The following ITGBL1 variants were observed in gnomAD, a reference collection of about 807,000 sequenced individuals.
ITGBL1 encodes the protein integrin beta-like protein 1.
ITGBL1 carries 51 observed loss-of-function variants against 68.5 expected under a neutral mutation model. That is an observed-to-expected ratio of 0.74 (90% CI 0.59 to 0.94). ITGBL1 has a LOEUF of 0.94. Among genes scored for constraint, ITGBL1 ranks in the 40% least tolerant of loss-of-function variants. The probability of loss-of-function intolerance (pLI) is 0.00; values close to 1 mark genes in which losing one functional copy is unlikely to be tolerated. For synonymous variants in ITGBL1, 209 were observed against 227.3 expected, an observed-to-expected ratio of 0.92 and a Z score of 0.72; for missense variants, 649 against 647.4, an observed-to-expected ratio of 1.00 and a Z score of -0.03.
chr13:101,654,858 C>T (rs2032867893), intron 7 of ITGBL1, among the ~76,000 whole-genome samples: 1 of 151,830 alleles, frequency 6.6e-6, no homozygotes, highest in Admixed American at 6.6e-5. Context: ...GGAGGAGAGA[C>T]CTGGAAACCA....
chr13:101,456,372 G>A (rs1322338264), intron 2 of ITGBL1, among the ~76,000 whole-genome samples: 4 of 152,284 alleles, frequency 2.6e-5, no homozygotes, highest in South Asian at 2.1e-4. Context: ...GCTGCCTTGC[G>A]AGCCCGTCGA....
At chr13:101,679,642 A>G (rs1018589287) in intron 7 of ITGBL1, among the ~76,000 whole-genome samples, 3 of 152,228 alleles carry the variant, frequency 2.0e-5, no homozygotes, top group Non-Finnish European at 2.9e-5. Context: ...ACTTTTGTAT[A>G]TGAGTATGAT....
intron 8 of ITGBL1, among the ~76,000 whole-genome samples, chr13:101,699,434 CGTGGGAGGGACCAA>C (rs2034079907): frequency 6.6e-6 from 1 of 152,102 alleles, no homozygotes; most frequent in African/African-American, 2.4e-5. Flanking sequence ...CCCCAAGTGT[CGTGGGAGGGACCAA>C]GTGGGAGGTA....
At chr13:101,587,592 A>G (rs1467042079) in intron 6 of ITGBL1, among the ~76,000 whole-genome samples, 1 of 152,216 alleles carries the variant, frequency 6.6e-6, no homozygotes, top group Non-Finnish European at 1.5e-5. Context: ...CATAATTGGA[A>G]AAATACGCTG....
At chr13:101,604,887 T>TACACACATACATACAC (rs1555361675) in intron 7 of ITGBL1, among the ~76,000 whole-genome samples, 2 of 22,164 alleles carry the variant, frequency 9.0e-5, no homozygotes, top group African/African-American at 3.0e-4. Flanking sequence ...TATATATATA[T>TACACACATACATACAC]ACACACACAC....
chr13:101,490,623 T>C (rs2048762745), intron 2 of ITGBL1, among the ~76,000 whole-genome samples: 3 of 152,150 alleles, frequency 2.0e-5, no homozygotes, highest in Admixed American at 1.3e-4. Flanking sequence ...GTAAGAGGGA[T>C]TTGTAGCCTT....
intron 7 of ITGBL1, among the ~76,000 whole-genome samples, chr13:101,682,145 C>A (rs369701095): frequency 5.3e-5 from 8 of 152,020 alleles, no homozygotes; most frequent in East Asian, 1.9e-4. Flanking sequence ...CTTCTCTTAC[C>A]CTCTGATTAT....
chr13:101,510,092 T>C (rs1401189306), intron 2 of ITGBL1, among the ~76,000 whole-genome samples: 1 of 152,158 alleles, frequency 6.6e-6, no homozygotes, highest in East Asian at 1.9e-4. Flanking sequence ...GATTGTTACA[T>C]GGGTATATTG....
In ITGBL1 at chr13:101,615,034, A is replaced by G. The variant is rs138352486; in HGVS notation, c.1015+16735A>G. Among the ~76,000 whole-genome samples, 267 of 152,264 alleles carry G rather than the reference A, an allele frequency of 1.8e-3. 1 individual carries two copies. The highest frequency in any genetic ancestry group is 6.2e-3 in the African/African-American group (258 of 41,550). ...CAGAAATTTATTCCCACAGCTCTGG[A>G]GATCAGAAATTTGAAATTGAAAAAT... On this transcript the variant is annotated intron_variant, in intron 7 of 10. Transcript: ENST00000376180.
chr13:101,457,256 T>C (rs2048257265), intron 2 of ITGBL1, among the ~76,000 whole-genome samples: 1 of 152,122 alleles, frequency 6.6e-6, no homozygotes, highest in Admixed American at 6.6e-5. Context: ...GCCCAGTGTT[T>C]GTTGGGCATT....
At chr13:101,598,490 T>G (rs2030133455) in intron 7 of ITGBL1, among the ~76,000 whole-genome samples, 191 bp downstream of exon 7, 1 of 152,110 alleles carries the variant, frequency 6.6e-6, no homozygotes. Flanking sequence ...AATGTGCAGG[T>G]TTGTTACATA....
chr13:101,602,551 C>A (rs369017052), intron 7 of ITGBL1, among the ~76,000 whole-genome samples: 102 of 151,900 alleles, frequency 6.7e-4, no homozygotes, highest in African/African-American at 2.3e-3. Context: ...TTTTATGTTG[C>A]GTTTTTCTTT....
intron 7 of ITGBL1, among the ~76,000 whole-genome samples, chr13:101,689,304 A>G (rs73558041): frequency 0.013 from 1,902 of 151,690 alleles, 46 homozygotes; most frequent in African/African-American, 0.042. Context: ...GAGGATGCCA[A>G]TGTCACAGAT....
chr13:101,458,475 AGTTT>A (rs1476970130), intron 2 of ITGBL1, among the ~76,000 whole-genome samples: 3 of 152,202 alleles, frequency 2.0e-5, no homozygotes, highest in Non-Finnish European at 4.4e-5. Flanking sequence ...TATTGTAGAG[AGTTT>A]GTTCTTGATT....
At chr13:101,716,727 C>A, downstream of ITGBL1, 2 of 138,322 alleles carry the variant, frequency 1.4e-5, no homozygotes, top group African/African-American at 2.7e-5. Flanking sequence ...TGGGGTCATG[C>A]AAAGAAGTCA....
intron 2 of ITGBL1, among the ~76,000 whole-genome samples, chr13:101,552,864 C>T (rs1339058198): frequency 6.6e-6 from 1 of 152,082 alleles, no homozygotes; most frequent in Non-Finnish European, 1.5e-5. Flanking sequence ...TATTGGTAAT[C>T]TTTGTGTTAG....
intron 7 of ITGBL1, among the ~76,000 whole-genome samples, chr13:101,659,989 T>C (rs1463045409): frequency 1.3e-5 from 2 of 152,114 alleles, no homozygotes; most frequent in Non-Finnish European, 2.9e-5. Context: ...TTGGACCAAA[T>C]AATTATTTGC....
chr13:101,671,862 G>A (rs2033386564), intron 7 of ITGBL1, among the ~76,000 whole-genome samples: 1 of 152,296 alleles, frequency 6.6e-6, no homozygotes, highest in African/African-American at 2.4e-5. Flanking sequence ...GTTTGTGTAA[G>A]TTCAATAAGA....
In ITGBL1 at chr13:101,667,707, G is replaced by C. The variant is rs539487461; in HGVS notation, c.1016-24878G>C. On this transcript the variant is annotated intron_variant, in intron 7 of 10. Transcript: ENST00000376180. The stretch of plus-strand genomic sequence containing the variant: ...TTATATTACTATTTTACTGTCTCAT[G>C]ACTAAAATTTTTAAATGAAAGCTAT... Among the ~76,000 whole-genome samples, 16 of 152,058 alleles carry C rather than the reference G, an allele frequency of 1.1e-4. No individual in the cohort carries two copies. The East Asian group carries it at 2.9e-3, about 28-fold the overall frequency.
Sources: allele counts gnomAD v4.1 joint callset (sites outside exome capture counted in the v4.1 genomes callset), GRCh38; gene constraint gnomAD v4.1.1; transcripts MANE v1.5; gene names NCBI Gene and HGNC (gene_info 2026-07-23, HGNC 2026-07-21).